The following OXR1 variants were observed in gnomAD, a reference collection of about 807,000 sequenced individuals.
OXR1 encodes oxidation resistance protein 1.
OXR1 carries 41 observed loss-of-function variants against 104.6 expected under a neutral mutation model. That is an observed-to-expected ratio of 0.39 (90% confidence interval 0.31 to 0.51). The LOEUF (loss-of-function observed/expected upper bound fraction) is 0.51, where lower values mean the gene tolerates loss of function less well. Ranked by LOEUF, OXR1 falls within the 20% of genes least tolerant of loss-of-function variation. The pLI, the probability that OXR1 is intolerant of heterozygous loss-of-function variation, is 0.77. For synonymous variants in OXR1, 348 were observed against 348.4 expected (o/e 1.00, Z 0.01); for missense variants, 955 against 1,031.9 (o/e 0.93, Z 1.02).
At chr8:106,518,082 C>T (rs560915373) in intron 2 of OXR1, among the ~76,000 whole-genome samples, 4 of 152,200 alleles carry the variant, frequency 2.6e-5, no homozygotes, top group East Asian at 1.9e-4. Context: ...GGGAAGCCAA[C>T]GTACTAGAAA....
chr8:106,648,981 G>C (rs1046350193), intron 3 of OXR1, among the ~76,000 whole-genome samples: 1 of 152,194 alleles, frequency 6.6e-6, no homozygotes, highest in Non-Finnish European at 1.5e-5. Flanking sequence ...GAGGCATGCA[G>C]ATCGTTTGAG....
intron 2 of OXR1, among the ~76,000 whole-genome samples, chr8:106,380,595 T>C (rs1817103438): frequency 6.6e-6 from 1 of 152,180 alleles, no homozygotes; most frequent in Admixed American, 6.5e-5. Context: ...CTACAGTGTT[T>C]GGGTGTTTCT....
intron 1 of OXR1, among the ~76,000 whole-genome samples, chr8:106,305,589 TG>T (rs1813433875): frequency 1.3e-5 from 2 of 152,162 alleles, no homozygotes; most frequent in Non-Finnish European, 1.5e-5. Context: ...TGTGGATGGA[TG>T]ATAATTTTCT....
intron 3 of OXR1, among the ~76,000 whole-genome samples, chr8:106,653,874 A>G (rs1276865462): frequency 6.6e-6 from 1 of 152,028 alleles, no homozygotes; most frequent in Non-Finnish European, 1.5e-5. Flanking sequence ...GAATTTATTA[A>G]TGAGTCCAGC....
At chr8:106,327,577 T>C (rs1022950675) in intron 1 of OXR1, among the ~76,000 whole-genome samples, 2 of 151,836 alleles carry the variant, frequency 1.3e-5, no homozygotes, top group African/African-American at 4.8e-5. Context: ...TAATGCGTCT[T>C]GCTAAATGCA....
Position 106,740,273 on chromosome 8 carries a change from A to T in OXR1, c.2164-70A>T, listed in dbSNP as rs546879966. 7 of 1,174,998 alleles carry T rather than the reference A, an allele frequency of 6.0e-6. No individual in the cohort carries two copies. In the Admixed American group the frequency reaches 1.1e-4, roughly 19 times the overall value. 72.8% of individuals were successfully genotyped at this position (1,174,998 alleles called of 1,614,324 possible). ...TATTATATAGGCACCATTACATTCC[A>T]GCTGGCATTAGTATTCTACATAATG... On this transcript the variant is annotated intron_variant, in intron 13 of 16. Transcript: ENST00000517566.
intron 2 of OXR1, among the ~76,000 whole-genome samples, chr8:106,425,753 T>C (rs892422058): frequency 1.3e-5 from 2 of 152,122 alleles, no homozygotes; most frequent in Non-Finnish European, 2.9e-5. Context: ...TCTACAGAAG[T>C]GAGTTCTTGG....
intron 3 of OXR1, among the ~76,000 whole-genome samples, chr8:106,678,132 A>T (rs904636479): frequency 6.6e-6 from 1 of 152,058 alleles, no homozygotes; most frequent in African/African-American, 2.4e-5. Flanking sequence ...AGGTTTTAGG[A>T]TAGTTTTTTA....
intron 11 of OXR1, among the ~76,000 whole-genome samples, chr8:106,717,097 A>G (rs1832340292): frequency 6.6e-6 from 1 of 152,116 alleles, no homozygotes; most frequent in African/African-American, 2.4e-5. Context: ...GAGGCAGGAG[A>G]ATCACTTGAA....
intron 3 of OXR1, among the ~76,000 whole-genome samples, chr8:106,606,410 C>A (rs1167354874): frequency 2.0e-5 from 3 of 151,840 alleles, no homozygotes; most frequent in Non-Finnish European, 4.4e-5. Flanking sequence ...AAGTGATTTT[C>A]CTTCCTCAGC....
At chr8:106,439,405 A>G (rs967243729) in intron 2 of OXR1, among the ~76,000 whole-genome samples, 6 of 144,786 alleles carry the variant, frequency 4.1e-5, no homozygotes, top group African/African-American at 1.7e-4. Flanking sequence ...GAACTGTGAG[A>G]AAAAAAAAGT....
intron 1 of OXR1, among the ~76,000 whole-genome samples, chr8:106,328,969 G>A (rs1188861698): frequency 1.3e-5 from 2 of 152,030 alleles, no homozygotes; most frequent in South Asian, 2.1e-4. Context: ...GCTTTGAGGG[G>A]GTCAGGAGCT....
At chr8:106,551,775 C>A (rs1815823344) in intron 3 of OXR1, among the ~76,000 whole-genome samples, 1 of 145,770 alleles carries the variant, frequency 6.9e-6, no homozygotes. Context: ...AAGTGAGACC[C>A]TGTCTCCACT....
intron 3 of OXR1, among the ~76,000 whole-genome samples, chr8:106,677,637 T>C (rs532260277): frequency 6.6e-6 from 1 of 152,138 alleles, no homozygotes; most frequent in Non-Finnish European, 1.5e-5. Context: ...TTTTACATCC[T>C]CTTGTGAATT....
At chr8:106,695,215 CACTT>C (rs1208941174) in intron 7 of OXR1, among the ~76,000 whole-genome samples, 3 of 150,558 alleles carry the variant, frequency 2.0e-5, no homozygotes, top group African/African-American at 7.3e-5. Context: ...TATATTTATC[CACTT>C]ACTTATTCCC....
chr8:106,588,794 A>C (rs1563625697), intron 3 of OXR1, among the ~76,000 whole-genome samples: 1 of 152,168 alleles, frequency 6.6e-6, no homozygotes, highest in Non-Finnish European at 1.5e-5. Flanking sequence ...TTTAATTTTA[A>C]ACCAAGCAAT....
At chr8:106,651,826 A>G (rs1824600851) in intron 3 of OXR1, among the ~76,000 whole-genome samples, 1 of 152,078 alleles carries the variant, frequency 6.6e-6, no homozygotes. Context: ...TAGGGAGTGT[A>G]TTGCATCTGT....
At chr8:106,289,507 C>T (rs1435145067) in intron 1 of OXR1, among the ~76,000 whole-genome samples, 2 of 152,100 alleles carry the variant, frequency 1.3e-5, no homozygotes, top group African/African-American at 4.8e-5. Context: ...TGGAAGAAAT[C>T]AGAGATGATA....
intron 3 of OXR1, among the ~76,000 whole-genome samples, chr8:106,658,965 A>ATCCT (rs1825466261): frequency 6.6e-6 from 1 of 152,246 alleles, no homozygotes; most frequent in Non-Finnish European, 1.5e-5. Context: ...GGTAGCAGAC[A>ATCCT]TCCTAGCCAT....
Sources: gnomAD v4.1 joint callset for allele counts (sites outside exome capture counted in the v4.1 genomes callset) on GRCh38, gnomAD v4.1.1 for gene constraint, MANE v1.5 for transcripts, NCBI Gene and HGNC (gene_info 2026-07-23, HGNC 2026-07-21) for gene names.